Variants in JARID2 observed in about 807,000 individuals in gnomAD.
JARID2 encodes the protein protein Jumonji.
Under a neutral mutation model 125.6 loss-of-function variants are expected in JARID2, and 21 were observed. The observed-to-expected ratio is 0.17, with a 90% CI of 0.12 to 0.24. The LOEUF (loss-of-function observed/expected upper bound fraction) is 0.24, where lower values mean the gene tolerates loss of function less well. Ranked by LOEUF, JARID2 falls within the 10% of genes least tolerant of loss-of-function variation. JARID2 has a pLI of 1.00. For synonymous variants in JARID2, 736 were observed against 661.6 expected (o/e 1.11, Z -1.73); for missense variants, 1,303 against 1,639.6 (o/e 0.79, Z 3.55).
In JARID2 at chr6:15,466,098, C is replaced by T. The variant is rs1005074578; in HGVS notation, c.494-2444C>T. 2.6e-5 allele frequency among the ~76,000 whole-genome samples: 4 copies of T among 152,180 alleles called. No homozygotes were observed. The East Asian group carries it at 5.8e-4, about 22-fold the overall frequency. On this transcript the variant is annotated intron_variant, in intron 4 of 17. Transcript: ENST00000341776. ...GGATTACAGGCGTGAGCCACCACGC[C>T]CAGCCTTATTGCTGTATTTTTATAT... is the stretch of plus-strand genomic sequence containing the variant.
intron 1 of JARID2, among the ~76,000 whole-genome samples, chr6:15,293,365 A>T (rs962328203): frequency 6.6e-6 from 1 of 152,202 alleles, no homozygotes; most frequent in Non-Finnish European, 1.5e-5. Context: ...CGGTGAGCTG[A>T]GATGGTGCCA....
At chr6:15,292,019 T>TTTTTTTTTGA (rs1454431309) in intron 1 of JARID2, among the ~76,000 whole-genome samples, 1 of 152,194 alleles carries the variant, frequency 6.6e-6, no homozygotes, top group Admixed American at 6.5e-5. Context: ...GTTGTAGGTC[T>TTTTTTTTTGA]GTGTGATTAG....
chr6:15,453,150 C>T (rs1283704561), intron 4 of JARID2, among the ~76,000 whole-genome samples: 1 of 152,174 alleles, frequency 6.6e-6, no homozygotes, highest in East Asian at 1.9e-4. Context: ...CACAGTGATA[C>T]GTGGCCCCCA....
intron 3 of JARID2, among the ~76,000 whole-genome samples, chr6:15,425,198 G>A (rs1040845779): frequency 6.6e-6 from 1 of 152,138 alleles, no homozygotes; most frequent in African/African-American, 2.4e-5. Context: ...AAAATTTTTG[G>A]AGTGGCCTGA....
chr6:15,517,062 G>C (rs1050378454), intron 16 of JARID2, 99 bp from the exon 17 acceptor site: 2 of 811,554 alleles, frequency 2.5e-6, no homozygotes, highest in African/African-American at 3.4e-5. Flanking sequence ...CGCGGGCAGT[G>C]GGTGTGGTGG....
chr6:15,386,071 T>C (rs1213736923), intron 2 of JARID2, among the ~76,000 whole-genome samples: 1 of 152,182 alleles, frequency 6.6e-6, no homozygotes, highest in East Asian at 1.9e-4. Context: ...AAATTATGTC[T>C]CTTAATTCTC....
intron 1 of JARID2, among the ~76,000 whole-genome samples, chr6:15,344,050 T>C (rs1283728738): frequency 6.6e-6 from 1 of 151,752 alleles, no homozygotes; most frequent in African/African-American, 2.4e-5. Context: ...TGCAAAATTC[T>C]CTTGAATTTT....
Position 15,500,968 on chromosome 6 carries a change from G to A in JARID2, c.2007G>A (p.Gln669=), listed in dbSNP as rs1324463710. 1.2e-6 allele frequency: 2 copies of A among 1,613,924 alleles called. No homozygotes were observed. The highest frequency in any genetic ancestry group is 1.7e-6 in the Non-Finnish European group (2 of 1,179,890). The change falls in exon 8 of 18, where the codon CAG becomes CAA. Residue 669 remains glutamine, a synonymous_variant. Transcript: ENST00000341776. ...TGATTAATGAGATGGGCGGCATGCA[G>A]CAAGTGACTGACCTCAAAAAATGGA... ...FRLINEMGGM[Q]QVTDLKKWNK...
chr6:15,326,981 T>C (rs1287864508), intron 1 of JARID2, among the ~76,000 whole-genome samples: 2 of 152,206 alleles, frequency 1.3e-5, no homozygotes, highest in Non-Finnish European at 2.9e-5. Context: ...CTCTGTCCCT[T>C]TAATTTGTTG....
intron 1 of JARID2, among the ~76,000 whole-genome samples, chr6:15,317,596 G>T (rs138995875): frequency 6.6e-6 from 1 of 151,782 alleles, no homozygotes; most frequent in African/African-American, 2.4e-5. Context: ...CTGAATGCTT[G>T]CCGTGTAACT....
chr6:15,273,792 CCCTGGCT>C (rs1451917538), intron 1 of JARID2, among the ~76,000 whole-genome samples: 2 of 152,066 alleles, frequency 1.3e-5, no homozygotes, highest in Non-Finnish European at 2.9e-5. Flanking sequence ...ATTAGTAGGA[CCCTGGCT>C]TTGAGTCAGG....
Position 15,325,418 on chromosome 6 carries a change from G to A in JARID2, c.46-48699G>A, listed in dbSNP as rs113834133. Among the ~76,000 whole-genome samples the A allele has an allele frequency of 8.0e-3, 1,217 of 152,156 alleles. 8 individuals are homozygous for A. Among genetic ancestry groups the A allele is most frequent in the South Asian group, 0.042 (201 of 4,804 alleles). On this transcript the variant is annotated intron_variant, in intron 1 of 17. Coordinates refer to ENST00000341776, the MANE Select transcript of JARID2 (RefSeq NM_004973.4). ...ACCCAGCATATTGATTTCCTATTAG[G>A]GATCAGCGGTCTAGAAGTACATCTT...
chr6:15,302,727 GGTTA>G (rs1460448667), intron 1 of JARID2, among the ~76,000 whole-genome samples: 1 of 151,898 alleles, frequency 6.6e-6, no homozygotes, highest in Non-Finnish European at 1.5e-5. Flanking sequence ...GTTATTTGGT[GGTTA>G]TTTATTTTTT....
intron 1 of JARID2, among the ~76,000 whole-genome samples, chr6:15,303,778 A>G (rs1373139962): frequency 6.6e-6 from 1 of 152,242 alleles, no homozygotes; most frequent in African/African-American, 2.4e-5. Flanking sequence ...GTTTTCAACA[A>G]TTTGACAGTG....
chr6:15,374,921 A>G lies in JARID2; in HGVS notation c.181+669A>G, dbSNP rs117447292. ...TTTCAGGGGAATGCAGTGACATTCT[A>G]TAATCCCCTGTGTACTTATCAGGAT... On this transcript the variant is annotated intron_variant, in intron 2 of 17. Coordinates refer to ENST00000341776, the MANE Select transcript of JARID2 (RefSeq NM_004973.4). Among the ~76,000 whole-genome samples, 250 of 152,362 alleles carry G rather than the reference A, an allele frequency of 1.6e-3. 5 individuals carry two copies. In the East Asian group the frequency reaches 0.046, roughly 28 times the overall value.
At chr6:15,519,969 C>A in intron 17 of JARID2, 100 bp from the exon 18 acceptor site, 1 of 888,532 alleles carries the variant, frequency 1.1e-6, no homozygotes, top group Non-Finnish European at 1.7e-6. Context: ...GTGAAGGGGA[C>A]CGCTGCCCTC....
At chr6:15,516,535 C>A (rs1771570313) in intron 16 of JARID2, among the ~76,000 whole-genome samples, 1 of 152,168 alleles carries the variant, frequency 6.6e-6, no homozygotes. Context: ...GGGGCCGGGG[C>A]TGGTGGGTGA....
chr6:15,427,102 T>C (rs958452556), intron 3 of JARID2, among the ~76,000 whole-genome samples: 1 of 152,188 alleles, frequency 6.6e-6, no homozygotes. Context: ...CTTCTTTCTT[T>C]AACAAGTTCC....
chr6:15,412,355 C>CT (rs1765915412), intron 3 of JARID2, among the ~76,000 whole-genome samples: 1 of 152,126 alleles, frequency 6.6e-6, no homozygotes, highest in African/African-American at 2.4e-5. Flanking sequence ...GTCACCCGGG[C>CT]TGGAGTGTGG....
Sources: allele counts gnomAD v4.1 joint callset (sites outside exome capture counted in the v4.1 genomes callset), GRCh38; gene constraint gnomAD v4.1.1; transcripts MANE v1.5; gene names NCBI Gene and HGNC (gene_info 2026-07-23, HGNC 2026-07-21).